The following CNTN5 variants were observed in gnomAD, a reference collection of about 807,000 sequenced individuals.
The protein encoded by CNTN5 is contactin-5.
In CNTN5, 77 loss-of-function variants were observed where a neutral mutation model predicts 129.1. That is an observed-to-expected ratio of 0.60 (90% CI 0.50 to 0.72). The LOEUF (loss-of-function observed/expected upper bound fraction) is 0.72. CNTN5 is among the 30% of genes least tolerant of loss of function. The probability of loss-of-function intolerance (pLI) is 0.00; values close to 1 mark genes in which losing one functional copy is unlikely to be tolerated. For synonymous variants in CNTN5, 509 were observed against 465.6 expected (o/e 1.09, Z -1.20); for missense variants, 1,478 against 1,328.8 (o/e 1.11, Z -1.75).
In CNTN5 at chr11:99,262,759, G is replaced by A. The variant is rs563977954; in HGVS notation, c.-209-62587G>A. ...TTAAGGGCCCCTCTTAATTAAAAAC[G>A]TTAAATTGAATTCTTTTATTTAAAA... On this transcript the variant is annotated intron_variant, in intron 1 of 24. Coordinates refer to ENST00000524871, the MANE Select transcript of CNTN5 (RefSeq NM_014361.4). Among the ~76,000 whole-genome samples the A allele has an allele frequency of 3.9e-5, 6 of 151,918 alleles. 1 individual carries two copies. The highest frequency in any genetic ancestry group is 1.9e-4 in the East Asian group (1 of 5,176).
intron 2 of CNTN5, among the ~76,000 whole-genome samples, chr11:99,371,472 T>C (rs1371858420): frequency 2.6e-5 from 4 of 152,128 alleles, no homozygotes; most frequent in Non-Finnish European, 4.4e-5. Context: ...TGAGGGTTTA[T>C]TATATAAATA....
chr11:100,288,943 C>T (rs1226580351), intron 18 of CNTN5, among the ~76,000 whole-genome samples: 1 of 152,000 alleles, frequency 6.6e-6, no homozygotes, highest in Non-Finnish European at 1.5e-5. Context: ...ACCGATCCCA[C>T]AGAAATACAA....
At position 100,114,688 on chromosome 11, in the gene CNTN5, C is replaced by T. The variant is rs142978652; in HGVS notation, c.1580+40394C>T. ...TTAACTTGTCAGTCCTTGAAAAATG[C>T]TCTCTTTTGAATAGTTAGAAGGCTA... On this transcript the variant is annotated intron_variant, in intron 13 of 24. Coordinates refer to ENST00000524871, the MANE Select transcript of CNTN5 (RefSeq NM_014361.4). 6.8e-3 allele frequency among the ~76,000 whole-genome samples: 1,030 copies of T among 152,024 alleles called. 18 individuals carry two copies. Among genetic ancestry groups the T allele is most frequent in the African/African-American group, 0.023 (958 of 41,456 alleles).
At chr11:99,733,364 C>T (rs555733682) in intron 3 of CNTN5, among the ~76,000 whole-genome samples, 3 of 149,304 alleles carry the variant, frequency 2.0e-5, no homozygotes, top group South Asian at 2.1e-4. Context: ...TTTTCTGGGG[C>T]GCCTCCTGCT....
rs527608121 is a variant in CNTN5 at position 100,048,755 on chromosome 11, T to C, written c.981-12457T>C. On this transcript the variant is annotated intron_variant, in intron 9 of 24. Coordinates refer to ENST00000524871, the MANE Select transcript of CNTN5 (RefSeq NM_014361.4). ...TATATCAAGGTTTAGTCTCAGAAGATAGGGATAGAACAAAAATATTTTGAA... is the reference window on the plus strand; with the variant it reads ...TATATCAAGGTTTAGTCTCAGAAGACAGGGATAGAACAAAAATATTTTGAA... Among the ~76,000 whole-genome samples the C allele has an allele frequency of 5.3e-5, 8 of 152,094 alleles. No individual in the cohort carries two copies. The South Asian group carries it at 6.2e-4, about 12-fold the overall frequency.
chr11:100,002,766 G>A (rs1387861172), intron 9 of CNTN5, among the ~76,000 whole-genome samples: 4 of 152,082 alleles, frequency 2.6e-5, no homozygotes, highest in African/African-American at 9.7e-5. Context: ...TTACAGTATA[G>A]GTATTGAGAT....
At chr11:100,110,529 G>A (rs1030363059) in intron 13 of CNTN5, among the ~76,000 whole-genome samples, 3 of 152,022 alleles carry the variant, frequency 2.0e-5, no homozygotes, top group Non-Finnish European at 2.9e-5. Context: ...CTCACTAGGT[G>A]TTATAAAATG....
At chr11:99,336,092 G>A (rs1459672237) in intron 2 of CNTN5, among the ~76,000 whole-genome samples, 5 of 152,096 alleles carry the variant, frequency 3.3e-5, no homozygotes, top group African/African-American at 9.7e-5. Flanking sequence ...ATTTATCGGA[G>A]GGGTATGTTT....
intron 2 of CNTN5, among the ~76,000 whole-genome samples, chr11:99,359,093 G>A (rs72985727): frequency 0.016 from 2,389 of 152,258 alleles, 29 homozygotes; most frequent in Non-Finnish European, 0.024. Context: ...AAAGTGAAAA[G>A]TTATATTGTA....
chr11:99,494,630 A>G (rs1946157815), intron 2 of CNTN5, among the ~76,000 whole-genome samples: 1 of 152,220 alleles, frequency 6.6e-6, no homozygotes, highest in Admixed American at 6.5e-5. Context: ...CCAGGCTATT[A>G]GCCCTGGACA....
chr11:100,273,762 T>G (rs1009011383), intron 18 of CNTN5, among the ~76,000 whole-genome samples: 1 of 152,140 alleles, frequency 6.6e-6, no homozygotes, highest in African/African-American at 2.4e-5. Context: ...CACTCAAAAA[T>G]AGAAAGATTC....
chr11:99,776,281 ACT>A (rs1945121452), intron 3 of CNTN5, among the ~76,000 whole-genome samples: 1 of 151,874 alleles, frequency 6.6e-6, no homozygotes, highest in South Asian at 2.1e-4. Flanking sequence ...GCAGAAACTA[ACT>A]CTTAAGGAGA....
intron 3 of CNTN5, among the ~76,000 whole-genome samples, chr11:99,740,897 T>G (rs928498392): frequency 6.6e-6 from 1 of 152,188 alleles, no homozygotes; most frequent in Non-Finnish European, 1.5e-5. Context: ...AGTATGCTGT[T>G]AAATCTAACT....
At chr11:100,164,191 G>T (rs1428202303) in intron 13 of CNTN5, among the ~76,000 whole-genome samples, 1 of 151,680 alleles carries the variant, frequency 6.6e-6, no homozygotes, top group African/African-American at 2.4e-5. Context: ...CCATCATTTG[G>T]CATTGACGAT....
At chr11:99,803,785 T>C (rs1326732951) in intron 3 of CNTN5, among the ~76,000 whole-genome samples, 1 of 152,196 alleles carries the variant, frequency 6.6e-6, no homozygotes, top group African/African-American at 2.4e-5. Flanking sequence ...GGGTTTCACT[T>C]ACTTTTATGA....
chr11:100,092,346 C>A (rs1444858688), intron 13 of CNTN5, among the ~76,000 whole-genome samples: 2 of 152,072 alleles, frequency 1.3e-5, no homozygotes, highest in African/African-American at 2.4e-5. Context: ...ATCTGCAAAG[C>A]CTCTGTGGGA....
At chr11:99,573,431 G>C (rs1591298587) in intron 3 of CNTN5, among the ~76,000 whole-genome samples, 2 of 151,776 alleles carry the variant, frequency 1.3e-5, no homozygotes, top group South Asian at 4.2e-4. Context: ...TTAGCCGGGC[G>C]TGGTGGCAGG....
chr11:99,150,519 C>T (rs916203369), intron 1 of CNTN5, among the ~76,000 whole-genome samples: 3 of 151,768 alleles, frequency 2.0e-5, no homozygotes, highest in Non-Finnish European at 4.4e-5. Flanking sequence ...GTTCATTTTG[C>T]CTTTTCCTTA....
intron 2 of CNTN5, among the ~76,000 whole-genome samples, chr11:99,374,555 G>A (rs1940040371): frequency 6.6e-6 from 1 of 152,116 alleles, no homozygotes; most frequent in Non-Finnish European, 1.5e-5. Flanking sequence ...ATGGTGGCAG[G>A]TGCCTGTAGT....
Sources: allele counts gnomAD v4.1 joint callset (sites outside exome capture counted in the v4.1 genomes callset), GRCh38; gene constraint gnomAD v4.1.1; transcripts MANE v1.5; gene names NCBI Gene and HGNC (gene_info 2026-07-23, HGNC 2026-07-21).